Variants in PCDHGB7 observed in about 807,000 individuals in gnomAD.
PCDHGB7 encodes protocadherin gamma subfamily B, 7.
In PCDHGB7, 37 loss-of-function variants were observed where a neutral mutation model predicts 61.4. That is an observed-to-expected ratio of 0.60 (90% confidence interval 0.46 to 0.79). PCDHGB7 has a LOEUF of 0.79. Among genes scored for constraint, PCDHGB7 ranks in the 30% least tolerant of loss-of-function variants. The pLI, the probability that PCDHGB7 is intolerant of heterozygous loss-of-function variation, is 0.00. For missense variants in PCDHGB7, 1,166 were observed against 1,202.5 expected (o/e 0.97, Z 0.45); for synonymous variants, 464 against 503.5 (o/e 0.92, Z 1.05).
chr5:141,472,529 G>C lies in PCDHGB7; in HGVS notation c.2416-22278G>C, dbSNP rs553065027. 9.3e-5 allele frequency among the ~76,000 whole-genome samples: 14 copies of C among 151,058 alleles called. No individual in the cohort carries two copies. In the East Asian group the frequency reaches 2.6e-3, roughly 28 times the overall value. ...CACTCCAGCCTGGGTGACAGAGTGA[G>C]ACACCATCTCAAGAAAAAAAAAATT... On this transcript the variant is annotated intron_variant, in intron 1 of 3. Transcript: ENST00000398594.
intron 1 of PCDHGB7, chr5:141,441,995 G>T: frequency 8.1e-6 from 2 of 246,740 alleles, no homozygotes; most frequent in Non-Finnish European, 8.0e-6. Flanking sequence ...CCGACGAGGT[G>T]CTGACAGCTC....
intron 3 of PCDHGB7, among the ~76,000 whole-genome samples, chr5:141,507,518 A>T (rs1323767789): frequency 6.6e-6 from 1 of 152,132 alleles, no homozygotes; most frequent in African/African-American, 2.4e-5. Flanking sequence ...TGGGGCTATG[A>T]TTCCAGAGAG....
chr5:141,500,036 T>C (rs1001193977), intron 2 of PCDHGB7, among the ~76,000 whole-genome samples: 8 of 152,176 alleles, frequency 5.3e-5, no homozygotes, highest in African/African-American at 1.9e-4. Flanking sequence ...TGAGTGTCTC[T>C]TAAGTATCTT....
At position 141,431,338 on chromosome 5, in the gene PCDHGB7, A is replaced by G; in HGVS notation, c.2415+11064A>G. On this transcript the variant is annotated intron_variant, in intron 1 of 3. Transcript: ENST00000398594. This position sits in a 1 kb window ranked among gnomAD's most constrained non-coding sequence, Gnocchi z 4.8. ...GAGCCGACGGTAGTAAGTACCCCGA[A>G]TTGGTGCTGAAACGCGCCCTGGACC... 1 of 1,614,068 alleles carries G rather than the reference A, an allele frequency of 6.2e-7. No homozygotes were observed. The highest frequency in any genetic ancestry group is 8.5e-7 in the Non-Finnish European group (1 of 1,180,032).
intron 1 of PCDHGB7, among the ~76,000 whole-genome samples, chr5:141,469,731 C>A (rs1332201791): frequency 6.6e-6 from 1 of 152,214 alleles, no homozygotes; most frequent in Non-Finnish European, 1.5e-5. Context: ...ATCATAAATA[C>A]ACACCTCAAA....
chr5:141,464,622 CT>C (rs947370342), intron 1 of PCDHGB7, among the ~76,000 whole-genome samples: 8 of 152,058 alleles, frequency 5.3e-5, no homozygotes, highest in African/African-American at 1.9e-4. Flanking sequence ...TATTGTCAAG[CT>C]TTTTAATTGT....
In PCDHGB7 at chr5:141,486,030, C is replaced by T. The variant is rs2099623234; in HGVS notation, c.2416-8777C>T. 2 of 1,614,046 alleles carry T rather than the reference C, an allele frequency of 1.2e-6. No homozygotes were observed. Among genetic ancestry groups the T allele is most frequent in the African/African-American group, 1.3e-5 (1 of 74,918 alleles). On this transcript the variant is annotated intron_variant, in intron 1 of 3. Coordinates refer to ENST00000398594, the MANE Select transcript of PCDHGB7 (RefSeq NM_018927.4). This position sits in a 1 kb window ranked among gnomAD's most constrained non-coding sequence, Gnocchi z 5.0. ...ACCTTTTATTTCAGTGGTCATACCC[C>T]TGATCGTGTAAGAAACCTCTTTAGC...
At chr5:141,426,448 C>T (rs1289310586) in intron 1 of PCDHGB7, 4 of 307,946 alleles carry the variant, frequency 1.3e-5, no homozygotes, top group Middle Eastern at 1.2e-3. Context: ...GGAGGACATG[C>T]GGCTGCATGT....
intron 2 of PCDHGB7, among the ~76,000 whole-genome samples, chr5:141,501,290 TACACAC>T (rs55762287): frequency 0.081 from 10,957 of 136,038 alleles, 480 homozygotes; most frequent in African/African-American, 0.13. Context: ...TATTCCCTTA[TACACAC>T]ACACACACAC....
rs753202774 is a variant in PCDHGB7, at chr5:141,487,875, C to A, written c.2416-6932C>A. 33 of 828,628 alleles carry A rather than the reference C, an allele frequency of 4.0e-5. No individual in the cohort carries two copies. Among genetic ancestry groups the A allele is most frequent in the Non-Finnish European group, 5.8e-5 (31 of 536,030 alleles). The allele number at this position is 828,628 out of a possible 1,614,324, so 51.3% of individuals were successfully genotyped here. A position where few individuals can be genotyped will look rare whatever the true frequency, so the allele number is the denominator to read the frequency against. The stretch of plus-strand genomic sequence containing the variant: ...AAGTAATTGGTGATCAAGAGCCAGG[C>A]TGTTGTGGAAGCATGATGATGGAAT... On this transcript the variant is annotated intron_variant, in intron 1 of 3. Coordinates refer to ENST00000398594, the MANE Select transcript of PCDHGB7 (RefSeq NM_018927.4). The surrounding 1 kb of genome is among the most constrained non-coding windows in gnomAD (Gnocchi z 5.0).
At chr5:141,478,694 T>A (rs2099472305) in intron 1 of PCDHGB7, 1 of 1,550,598 alleles carries the variant, frequency 6.4e-7, no homozygotes, top group Admixed American at 2.0e-5. Flanking sequence ...TAGATCAAAG[T>A]TAGTGCCTTT....
At chr5:141,452,201 T>G (rs552947721) in intron 1 of PCDHGB7, among the ~76,000 whole-genome samples, 131 of 152,376 alleles carry the variant, frequency 8.6e-4, no homozygotes, top group Middle Eastern at 6.8e-3. Context: ...TTGTTTTAGA[T>G]GTTACCAATA....
At position 141,511,140 on chromosome 5, in the gene PCDHGB7, C is replaced by G. The variant is rs1405623579; in HGVS notation, c.2757C>G (p.Asn919Lys). Residue 919 changes from asparagine (N) to lysine (K), a missense_variant, in exon 4 of 4, where the codon AAC becomes AAG. Physicochemically the swap from Asn to Lys is moderately conservative, Grantham distance 94. Transcript: ENST00000398594. ...AGGCCCCAGCAGGTGGCAATGGCAACAAGAAGAAGTCGGGCAAGAAGGAGA... is the reference window on the plus strand; with the variant it reads ...AGGCCCCAGCAGGTGGCAATGGCAAGAAGAAGAAGTCGGGCAAGAAGGAGA... Reference protein sequence around the residue: ...DGKAPAGGNGNKKKSGKKEKK With the variant: ...DGKAPAGGNGKKKKSGKKEKK 2.5e-6 allele frequency: 4 copies of G among 1,614,068 alleles called. No homozygotes were observed. Among genetic ancestry groups the G allele is most frequent in the Admixed American group, 1.7e-5 (1 of 60,008 alleles).
intron 1 of PCDHGB7, among the ~76,000 whole-genome samples, chr5:141,451,826 A>G (rs2098725686): frequency 6.6e-6 from 1 of 151,720 alleles, no homozygotes; most frequent in Non-Finnish European, 1.5e-5. Context: ...GGTTACAGTG[A>G]GCCGAGATCA....
At chr5:141,421,034 C>G (rs2096540283) in intron 1 of PCDHGB7, 2 of 538,266 alleles carry the variant, frequency 3.7e-6, no homozygotes, top group Non-Finnish European at 6.4e-6. Context: ...CATTGAGTCC[C>G]TCCCTCCCCC....
Position 141,489,732 on chromosome 5 carries a change from C to T in PCDHGB7, c.2416-5075C>T, listed in dbSNP as rs1562132763. On this transcript the variant is annotated intron_variant, in intron 1 of 3. Coordinates refer to ENST00000398594, the MANE Select transcript of PCDHGB7 (RefSeq NM_018927.4). This position sits in a 1 kb window ranked among gnomAD's most constrained non-coding sequence, Gnocchi z 4.5. ...GTGCCCAGGATCCGGATGTGGGCAC[C>T]AATACTGTGAGCTTTTACACTCTAA... 3.1e-6 allele frequency: 5 copies of T among 1,614,126 alleles called. No individual in the cohort carries two copies. The highest frequency in any genetic ancestry group is 1.1e-5 in the South Asian group (1 of 91,074).
At position 141,490,162 on chromosome 5, in the gene PCDHGB7, A is replaced by G. The variant is rs1371128858; in HGVS notation, c.2416-4645A>G. The G allele has an allele frequency of 1.2e-6, 2 of 1,614,218 alleles. No individual in the cohort carries two copies. The highest frequency in any genetic ancestry group is 1.7e-6 in the Non-Finnish European group (2 of 1,180,028). ...TGGGGCAATCCATGTGTTGGGTCCCATAGACTTTGAGGAGTCACGTTTCTA... is the reference window on the plus strand; with the variant it reads ...TGGGGCAATCCATGTGTTGGGTCCCGTAGACTTTGAGGAGTCACGTTTCTA... On this transcript the variant is annotated intron_variant, in intron 1 of 3. Transcript: ENST00000398594. This position sits in a 1 kb window ranked among gnomAD's most constrained non-coding sequence, Gnocchi z 5.4.
intron 1 of PCDHGB7, among the ~76,000 whole-genome samples, chr5:141,471,992 C>T (rs2099268578): frequency 6.6e-6 from 1 of 152,070 alleles, no homozygotes; most frequent in Non-Finnish European, 1.5e-5. Flanking sequence ...TATTAAAAAT[C>T]CCTGCATCGT....
Position 141,476,091 on chromosome 5 carries a change from G to T in PCDHGB7, c.2416-18716G>T, listed in dbSNP as rs1470774975. The T allele has an allele frequency of 1.3e-6, 2 of 1,563,074 alleles. No homozygotes were observed. Among genetic ancestry groups the T allele is most frequent in the Non-Finnish European group, 1.7e-6 (2 of 1,159,286 alleles). On this transcript the variant is annotated intron_variant, in intron 1 of 3. Coordinates refer to ENST00000398594, the MANE Select transcript of PCDHGB7 (RefSeq NM_018927.4). This position sits in a 1 kb window ranked among gnomAD's most constrained non-coding sequence, Gnocchi z 7.6. ...AAATCTCAGGGACGATCTGGACCCC[G>T]CTGAGAGGAACTGCTTTTGAGTGAG...
Sources: gnomAD v4.1 joint callset for allele counts (sites outside exome capture counted in the v4.1 genomes callset) on GRCh38, gnomAD v4.1.1 for gene constraint, Gnocchi (gnomAD v3.1) non-coding constraint, MANE v1.5 for transcripts, NCBI Gene and HGNC (gene_info 2026-07-23, HGNC 2026-07-21) for gene names.